Variants in NLGN4Y observed in about 807,000 individuals in gnomAD.
The protein encoded by NLGN4Y is neuroligin-4, Y-linked.
NLGN4Y carries 4 observed loss-of-function variants against 8.4 expected under a neutral mutation model. The ratio of observed to expected loss-of-function variants is 0.48; its 90% CI spans 0.23 to 1.09. NLGN4Y has a LOEUF of 1.09. Among genes scored for constraint, NLGN4Y ranks in the 50% least tolerant of loss-of-function variants. NLGN4Y has a pLI of 0.19. For missense variants in NLGN4Y, 90 were observed against 192.3 expected, an observed-to-expected ratio of 0.47 and a Z score of 3.15; for synonymous variants, 35 against 75.6, an observed-to-expected ratio of 0.46 and a Z score of 2.78.
At chrY:14,539,418 A>G in intron 1 of NLGN4Y, among the ~76,000 whole-genome samples, 1 of 33,600 alleles carries the variant, frequency 3.0e-5, no homozygotes, top group African/African-American at 1.2e-4. Context: ...TAAAACATCT[A>G]TTCACTTGAA....
chrY:14,675,042 G>C (rs2080743650), intron 2 of NLGN4Y, among the ~76,000 whole-genome samples: 1 of 33,179 alleles, frequency 3.0e-5, no homozygotes, highest in Non-Finnish European at 7.4e-5. Flanking sequence ...CATACATGAA[G>C]CTAGCATGTA....
At chrY:14,786,406 TG>T (rs2042967325) in intron 4 of NLGN4Y, among the ~76,000 whole-genome samples, 1 of 33,132 alleles carries the variant, frequency 3.0e-5, no homozygotes, top group Non-Finnish European at 7.4e-5. Flanking sequence ...ATAATGCAAG[TG>T]GCTTTGCAGA....
chrY:14,727,094 G>A (rs978054108), intron 4 of NLGN4Y, among the ~76,000 whole-genome samples: 11 of 33,195 alleles, frequency 3.3e-4, no homozygotes, highest in Non-Finnish European at 6.7e-4. Context: ...AAGAAAGAAA[G>A]AAAGAAAGAA....
intron 1 of NLGN4Y, among the ~76,000 whole-genome samples, chrY:14,562,147 C>T: frequency 9.0e-5 from 3 of 33,441 alleles, no homozygotes. Flanking sequence ...TTTGCCCATG[C>T]CTATGTCCTG....
intron 1 of NLGN4Y, among the ~76,000 whole-genome samples, chrY:14,546,801 T>C (rs2080174540): frequency 3.0e-5 from 1 of 33,390 alleles, no homozygotes; most frequent in Non-Finnish European, 7.4e-5. Context: ...TGGCCAGGAC[T>C]TCCAACACTA....
Position 14,787,580 on chromosome Y carries a change from T to G in NLGN4Y, c.686-36608T>G, listed in dbSNP as rs564868701. ...GGAAGCCTGCTACTCCTGATTAGAC[T>G]GGCAACAACTTTTTGCATTATAAGA... On this transcript the variant is annotated intron_variant, in intron 4 of 6. Coordinates refer to ENST00000684976, the MANE Select transcript of NLGN4Y (RefSeq NM_001365588.1). Among the ~76,000 whole-genome samples the G allele has an allele frequency of 6.3e-3, 211 of 33,282 alleles. No homozygotes were observed. The Middle Eastern group carries it at 0.19, about 30-fold the overall frequency. 89.3% of individuals were successfully genotyped at this position (33,282 alleles called of 37,273 possible).
intron 5 of NLGN4Y, among the ~76,000 whole-genome samples, chrY:14,828,202 A>G (rs2043155685): frequency 3.1e-5 from 1 of 32,176 alleles, no homozygotes; most frequent in Non-Finnish European, 7.6e-5. Context: ...TAGTGTCATC[A>G]GGAGTTATAT....
At chrY:14,525,323 T>C (rs2150457269) in intron 1 of NLGN4Y, among the ~76,000 whole-genome samples, 19 of 32,406 alleles carry the variant, frequency 5.9e-4, no homozygotes, top group Admixed American at 5.5e-4. Flanking sequence ...TTTTCATGTA[T>C]GTGCGGCTGC....
chrY:14,824,089 G>A, intron 4 of NLGN4Y, 99 bp from the exon 5 acceptor site: 1 of 266,889 alleles, frequency 3.7e-6, no homozygotes, highest in Non-Finnish European at 5.8e-6. Flanking sequence ...GTTGTGGAGA[G>A]AGAGAATGAA....
chrY:14,770,694 G>T, intron 4 of NLGN4Y, among the ~76,000 whole-genome samples: 1 of 33,393 alleles, frequency 3.0e-5, no homozygotes, highest in East Asian at 7.9e-4. Flanking sequence ...AAACCGGATG[G>T]AGAATGAGTT....
At chrY:14,558,869 G>A in intron 1 of NLGN4Y, among the ~76,000 whole-genome samples, 2 of 33,305 alleles carry the variant, frequency 6.0e-5, no homozygotes, top group African/African-American at 1.2e-4. Context: ...TATACATTTT[G>A]TAGGGGAGAG....
At chrY:14,815,985 G>T in intron 4 of NLGN4Y, among the ~76,000 whole-genome samples, 1 of 33,503 alleles carries the variant, frequency 3.0e-5, no homozygotes, top group African/African-American at 1.2e-4. Flanking sequence ...AGACCATGGG[G>T]TTTTTTCTTT....
At chrY:14,757,545 C>G in intron 4 of NLGN4Y, among the ~76,000 whole-genome samples, 1 of 32,784 alleles carries the variant, frequency 3.1e-5, no homozygotes, top group Admixed American at 2.8e-4. Context: ...ATATATTCAG[C>G]ATTCTCATTT....
At chrY:14,776,590 A>G (rs2081126974) in intron 4 of NLGN4Y, among the ~76,000 whole-genome samples, 1 of 31,631 alleles carries the variant, frequency 3.2e-5, no homozygotes, top group African/African-American at 1.2e-4. Context: ...TTTTCCTGAA[A>G]GCTTTTCATG....
intron 1 of NLGN4Y, among the ~76,000 whole-genome samples, chrY:14,592,899 T>A: frequency 6.1e-5 from 2 of 32,952 alleles, no homozygotes; most frequent in African/African-American, 2.4e-4. Context: ...AATTTCGAAT[T>A]CTCAACAAGG....
intron 2 of NLGN4Y, among the ~76,000 whole-genome samples, chrY:14,707,690 C>T (rs2080887013): frequency 1.6e-4 from 5 of 32,242 alleles, no homozygotes; most frequent in African/African-American, 6.0e-4. Flanking sequence ...GGGAGATGCT[C>T]ATGTAAATAT....
chrY:14,567,983 A>T (rs2080258390), intron 1 of NLGN4Y, among the ~76,000 whole-genome samples: 1 of 31,314 alleles, frequency 3.2e-5, no homozygotes, highest in Non-Finnish European at 7.7e-5. Flanking sequence ...TTTTTTTTTT[A>T]AATTATACTT....
At chrY:14,762,210 G>T (rs2081082022) in intron 4 of NLGN4Y, among the ~76,000 whole-genome samples, 1 of 33,900 alleles carries the variant, frequency 2.9e-5, no homozygotes, top group Non-Finnish European at 7.3e-5. Context: ...AATGTATTCT[G>T]TAAGAGATAT....
intron 4 of NLGN4Y, among the ~76,000 whole-genome samples, chrY:14,757,680 G>A (rs2081065993): frequency 2.9e-5 from 1 of 34,021 alleles, no homozygotes; most frequent in African/African-American, 1.1e-4. Flanking sequence ...GGGCTCATGT[G>A]AATCTCTTGC....
Sources: allele counts gnomAD v4.1 joint callset (sites outside exome capture counted in the v4.1 genomes callset), GRCh38; gene constraint gnomAD v4.1.1; transcripts MANE v1.5; gene names NCBI Gene and HGNC (gene_info 2026-07-23, HGNC 2026-07-21).